TSG101: variants seen among roughly 807,000 people sequenced by gnomAD.
The protein encoded by TSG101 is tumor susceptibility 101, also known as tumor susceptibility gene 101 protein.
A neutral mutation model predicts 48.5 loss-of-function variants in TSG101; 19 were observed. The ratio of observed to expected loss-of-function variants is 0.39; its 90% confidence interval spans 0.27 to 0.58. The LOEUF is 0.58. TSG101 is among the 20% of genes least tolerant of loss of function. The probability of loss-of-function intolerance (pLI) is 0.55; values close to 1 mark genes in which losing one functional copy is unlikely to be tolerated. For synonymous variants in TSG101, 174 were observed against 169.4 expected (o/e 1.03, Z -0.21); for missense variants, 365 against 484.4 (o/e 0.75, Z 2.31).
Position 18,526,871 on chromosome 11 carries a change from C to A in TSG101, c.-55G>T. ...AGGCAGAGGGTCAGCCGCTGCTGGG[C>A]TGCCCCAGACCGTCCCACACAATCG... is the stretch of plus-strand genomic sequence containing the variant. On this transcript the variant is annotated 5_prime_UTR_variant, in exon 1 of 10. Transcript: ENST00000251968. The A allele has an allele frequency of 1.9e-6, 3 of 1,572,976 alleles. No individual in the cohort carries two copies. Among genetic ancestry groups the A allele is most frequent in the Non-Finnish European group, 2.6e-6 (3 of 1,165,256 alleles).
intron 1 of TSG101, among the ~76,000 whole-genome samples, chr11:18,526,168 GATC>G (rs1850369510): frequency 1.3e-5 from 2 of 150,960 alleles, no homozygotes; most frequent in South Asian, 2.1e-4. Context: ...GAGCCGTGAA[GATC>G]ATAAATTAAG....
intron 7 of TSG101, among the ~76,000 whole-genome samples, chr11:18,502,180 T>C (rs1322127264): frequency 1.3e-5 from 2 of 152,242 alleles, no homozygotes; most frequent in Non-Finnish European, 1.5e-5. Flanking sequence ...GGTGATCTGT[T>C]TTCACATATA....
chr11:18,480,780 G>T, intron 9 of TSG101, 145 bp from the exon 10 acceptor site: 1 of 640,896 alleles, frequency 1.6e-6, no homozygotes, highest in Non-Finnish European at 2.7e-6. Context: ...ATTATATGTG[G>T]CTTTTAAGCT....
At chr11:18,524,332 T>C (rs1391865984) in intron 1 of TSG101, among the ~76,000 whole-genome samples, 1 of 152,188 alleles carries the variant, frequency 6.6e-6, no homozygotes, top group Non-Finnish European at 1.5e-5. Flanking sequence ...AAAGACCTTT[T>C]ATAATAAACA....
intron 7 of TSG101, among the ~76,000 whole-genome samples, chr11:18,493,784 G>A (rs1175227940): frequency 6.6e-6 from 1 of 152,182 alleles, no homozygotes; most frequent in East Asian, 1.9e-4. Flanking sequence ...TATGAGCAAA[G>A]GAGTTCTGAT....
intron 4 of TSG101, among the ~76,000 whole-genome samples, chr11:18,510,760 C>T (rs772313173): frequency 1.3e-5 from 2 of 148,994 alleles, no homozygotes; most frequent in Non-Finnish European, 3.0e-5. Flanking sequence ...CCAGCCTGGT[C>T]TCTACAAAAA....
Position 18,483,822 on chromosome 11 carries a change from T to C in TSG101, c.843+48A>G, listed in dbSNP as rs367580544. On this transcript the variant is annotated intron_variant, in intron 8 of 9. Coordinates refer to ENST00000251968, the MANE Select transcript of TSG101 (RefSeq NM_006292.4). ...AGGGAACATATAGAACACTCTGCCA[T>C]GGCTACAATTCAATCCAAAAATTTT... 18 of 1,599,112 alleles carry C rather than the reference T, an allele frequency of 1.1e-5. No individual in the cohort carries two copies. The African/African-American group carries it at 2.3e-4, about 20-fold the overall frequency.
intron 2 of TSG101, among the ~76,000 whole-genome samples, chr11:18,516,768 C>G (rs1297856376): frequency 6.6e-6 from 1 of 151,612 alleles, no homozygotes; most frequent in Admixed American, 6.6e-5. Context: ...ATGGAGAAAC[C>G]CCATCTCTAC....
intron 7 of TSG101, among the ~76,000 whole-genome samples, chr11:18,488,015 C>T (rs79078017): frequency 0.029 from 4,464 of 152,266 alleles, 85 homozygotes; most frequent in Middle Eastern, 0.058. Context: ...ACATCAGTAA[C>T]AGGATTTTTC....
chr11:18,494,468 T>C (rs906316784), intron 7 of TSG101, among the ~76,000 whole-genome samples: 1 of 152,250 alleles, frequency 6.6e-6, no homozygotes, highest in African/African-American at 2.4e-5. Flanking sequence ...ATAAAAATCA[T>C]TTGTTAACTT....
intron 5 of TSG101, among the ~76,000 whole-genome samples, chr11:18,507,295 A>G (rs1344294421): frequency 6.6e-6 from 1 of 152,208 alleles, no homozygotes; most frequent in Non-Finnish European, 1.5e-5. Flanking sequence ...TATCTAATAA[A>G]TCTTTTGATA....
At position 18,495,666 on chromosome 11, in the gene TSG101, GTTT is replaced by G. The variant is rs35958204; in HGVS notation, c.640+6817_640+6819del. Among the ~76,000 whole-genome samples the G allele has an allele frequency of 6.5e-3, 882 of 135,878 alleles. 8 individuals carry two copies. The highest frequency in any genetic ancestry group is 0.022 in the African/African-American group (824 of 36,812). 89.1% of individuals were successfully genotyped at this position (135,878 alleles called of 152,430 possible). A position where few individuals can be genotyped will look rare whatever the true frequency, so the allele number is the denominator to read the frequency against. ...AGTTTCAATGCATACTACCAGTTAG[GTTT>G]TTTTTTTTTTTTTTGCTACATGAAT... On this transcript the variant is annotated intron_variant, in intron 7 of 9. Transcript: ENST00000251968.
chr11:18,499,254 T>TGA (rs1466275309), intron 7 of TSG101, among the ~76,000 whole-genome samples: 1 of 136,080 alleles, frequency 7.3e-6, no homozygotes, highest in Admixed American at 8.3e-5. Flanking sequence ...TATTTATATA[T>TGA]TATATATATT....
At chr11:18,490,681 G>A (rs1475760903) in intron 7 of TSG101, 1 of 446,164 alleles carries the variant, frequency 2.2e-6, no homozygotes, top group East Asian at 5.2e-5. Flanking sequence ...CGTCATTGCA[G>A]ATGTCCTGCA....
chr11:18,485,609 T>C (rs1201478623), intron 7 of TSG101, among the ~76,000 whole-genome samples: 3 of 152,170 alleles, frequency 2.0e-5, no homozygotes, highest in Non-Finnish European at 2.9e-5. Flanking sequence ...ATTAAAATTG[T>C]TTATAAATAT....
intron 7 of TSG101, among the ~76,000 whole-genome samples, chr11:18,499,406 T>A (rs866367433): frequency 9.8e-3 from 127 of 13,016 alleles, no homozygotes; most frequent in African/African-American, 0.025. Flanking sequence ...ATATATATTT[T>A]TTTTTTTTTT....
At chr11:18,503,052 TA>T (rs368311931) in intron 6 of TSG101, among the ~76,000 whole-genome samples, 2 of 151,608 alleles carry the variant, frequency 1.3e-5, no homozygotes, top group African/African-American at 2.4e-5. Context: ...ATCTTTAGTT[TA>T]AAAAAAAACC....
chr11:18,486,525 C>A (rs1036854174), intron 7 of TSG101, among the ~76,000 whole-genome samples: 4 of 152,164 alleles, frequency 2.6e-5, no homozygotes, highest in Non-Finnish European at 5.9e-5. Context: ...AAATGCTCAT[C>A]ATCACTGGCC....
intron 5 of TSG101, among the ~76,000 whole-genome samples, chr11:18,509,290 TCTACA>T (rs947951429): frequency 6.6e-6 from 1 of 152,220 alleles, no homozygotes; most frequent in African/African-American, 2.4e-5. Context: ...CTAGCTCTAT[TCTACA>T]CTTTCTCCTC....
Sources: allele counts gnomAD v4.1 joint callset (sites outside exome capture counted in the v4.1 genomes callset), GRCh38; gene constraint gnomAD v4.1.1; transcripts MANE v1.5; gene names NCBI Gene and HGNC (gene_info 2026-07-23, HGNC 2026-07-21).